The following FARS2 variants were observed in gnomAD, a reference collection of about 807,000 sequenced individuals.
FARS2 encodes the protein phenylalanyl-tRNA synthetase 2, mitochondrial.
A neutral mutation model predicts 46.4 loss-of-function variants in FARS2; 40 were observed. The observed-to-expected ratio is 0.86, with a 90% CI of 0.67 to 1.12. The LOEUF is 1.12. Ranked by LOEUF, FARS2 falls within the 50% of genes most tolerant of loss-of-function variation. FARS2 has a pLI of 0.00. For missense variants in FARS2, 513 were observed against 567.9 expected, an observed-to-expected ratio of 0.90 and a Z score of 0.98; for synonymous variants, 234 against 214.9, an observed-to-expected ratio of 1.09 and a Z score of -0.78.
intron 6 of FARS2, among the ~76,000 whole-genome samples, chr6:5,676,490 C>A (rs551464259): frequency 2.6e-4 from 40 of 152,246 alleles, no homozygotes; most frequent in African/African-American, 8.2e-4. Context: ...CTTTAATTCT[C>A]AATAACATTC....
chr6:5,384,570 T>A (rs187791592), intron 2 of FARS2, among the ~76,000 whole-genome samples: 34 of 152,316 alleles, frequency 2.2e-4, no homozygotes, highest in Admixed American at 2.1e-3. Context: ...GAGTAGCCTC[T>A]GTGATGTGTT....
At chr6:5,679,624 G>A (rs1318980184) in intron 6 of FARS2, among the ~76,000 whole-genome samples, 1 of 152,132 alleles carries the variant, frequency 6.6e-6, no homozygotes, top group Non-Finnish European at 1.5e-5. Flanking sequence ...ATAATGGAGA[G>A]GAAACTATTA....
At chr6:5,292,169 C>G (rs1380674828) in intron 1 of FARS2, among the ~76,000 whole-genome samples, 2 of 152,074 alleles carry the variant, frequency 1.3e-5, no homozygotes, top group Non-Finnish European at 2.9e-5. Context: ...GTCTGTATGG[C>G]TGATGTTTCC....
intron 1 of FARS2, among the ~76,000 whole-genome samples, chr6:5,284,723 C>T (rs1436097652): frequency 6.6e-6 from 1 of 152,172 alleles, no homozygotes; most frequent in Non-Finnish European, 1.5e-5. Flanking sequence ...GACTAGTGTT[C>T]TCATTTCACC....
At chr6:5,686,239 A>G (rs1757195583) in intron 6 of FARS2, among the ~76,000 whole-genome samples, 1 of 152,092 alleles carries the variant, frequency 6.6e-6, no homozygotes, top group South Asian at 2.1e-4. Flanking sequence ...TTTAGGGTAC[A>G]TGTGCACAAC....
At position 5,593,295 on chromosome 6, in the gene FARS2, C is replaced by T. The variant is rs548653319; in HGVS notation, c.1066-19874C>T. Among the ~76,000 whole-genome samples, 59 of 137,524 alleles carry T rather than the reference C, an allele frequency of 4.3e-4. 1 individual carries two copies. Among genetic ancestry groups the T allele is most frequent in the Admixed American group, 3.1e-3 (47 of 14,956 alleles). The allele number at this position is 137,524 out of a possible 152,430, so 90.2% of individuals were successfully genotyped here. ...TCCTCCATGAAGGAACTGCACCTCC[C>T]GCCCCCACCGGCCTCTGCTGGTGCC... On this transcript the variant is annotated intron_variant, in intron 5 of 6. Transcript: ENST00000274680.
chr6:5,391,545 A>G (rs915962652), intron 2 of FARS2, among the ~76,000 whole-genome samples: 1 of 151,448 alleles, frequency 6.6e-6, no homozygotes, highest in Non-Finnish European at 1.5e-5. Flanking sequence ...GGCAGATTGT[A>G]TAGATGAAAC....
intron 6 of FARS2, among the ~76,000 whole-genome samples, chr6:5,739,284 T>C (rs1179317969): frequency 6.7e-6 from 1 of 149,548 alleles, no homozygotes; most frequent in Non-Finnish European, 1.5e-5. Flanking sequence ...TTGCTTGAGA[T>C]CAGGAGTTCA....
chr6:5,719,234 T>C (rs757565276), intron 6 of FARS2, among the ~76,000 whole-genome samples: 2 of 151,548 alleles, frequency 1.3e-5, no homozygotes, highest in Admixed American at 6.6e-5. Flanking sequence ...AATTTAAAAA[T>C]TAGCTGGGTC....
chr6:5,418,490 T>C (rs1188315343), intron 3 of FARS2, among the ~76,000 whole-genome samples: 5 of 152,208 alleles, frequency 3.3e-5, no homozygotes, highest in Admixed American at 2.6e-4. Flanking sequence ...CCGTGAATTA[T>C]GAGGTTTTCC....
At chr6:5,724,410 A>G (rs1469454584) in intron 6 of FARS2, among the ~76,000 whole-genome samples, 1 of 152,250 alleles carries the variant, frequency 6.6e-6, no homozygotes, top group Non-Finnish European at 1.5e-5. Context: ...CCATGACCAT[A>G]GTAGTGCCAC....
At chr6:5,402,456 T>C (rs1761316677) in intron 2 of FARS2, among the ~76,000 whole-genome samples, 1 of 152,046 alleles carries the variant, frequency 6.6e-6, no homozygotes, top group Admixed American at 6.6e-5. Flanking sequence ...ACTTTCTGAT[T>C]TTTGAGTAAT....
At chr6:5,550,595 T>A (rs2150513899) in intron 5 of FARS2, among the ~76,000 whole-genome samples, 1 of 152,354 alleles carries the variant, frequency 6.6e-6, no homozygotes, top group Admixed American at 6.5e-5. Context: ...GTGGCATGTA[T>A]ATGCAGGTGA....
intron 5 of FARS2, chr6:5,609,455 A>G (rs1474067187): frequency 1.9e-5 from 23 of 1,221,516 alleles, no homozygotes; most frequent in South Asian, 9.6e-5. Context: ...TACCAAATCC[A>G]TTATAGCCAT....
intron 4 of FARS2, among the ~76,000 whole-genome samples, chr6:5,474,710 G>A (rs1766019987): frequency 1.3e-5 from 2 of 148,786 alleles, no homozygotes; most frequent in Non-Finnish European, 3.0e-5. Flanking sequence ...GCCCCGGCTG[G>A]AGTGCAGTGG....
At position 5,531,327 on chromosome 6, in the gene FARS2, G is replaced by T. The variant is rs141620473; in HGVS notation, c.905-13853G>T. Among the ~76,000 whole-genome samples the T allele has an allele frequency of 1.2e-4, 18 of 152,346 alleles. No individual in the cohort carries two copies. In the East Asian group the frequency reaches 3.5e-3, roughly 29 times the overall value. On this transcript the variant is annotated intron_variant, in intron 4 of 6. Transcript: ENST00000274680. The stretch of plus-strand genomic sequence containing the variant: ...CTTTCTACACATTCCATGTAAGGAG[G>T]ATTCTCACTGCGCAGGACCGTTGGG...
intron 5 of FARS2, among the ~76,000 whole-genome samples, chr6:5,605,325 G>A (rs2064106): frequency 0.27 from 41,368 of 152,034 alleles, 6,440 homozygotes; most frequent in African/African-American, 0.43. Flanking sequence ...GCTTGAAAGC[G>A]GGCAGGGTAG....
chr6:5,539,262 A>G lies in FARS2; in HGVS notation c.905-5918A>G, dbSNP rs1249478394. On this transcript the variant is annotated intron_variant, in intron 4 of 6. Transcript: ENST00000274680. ...CGCTCTGTGGCCCAGACTGGAGTGC[A>G]GTGGCACGATCTCGGCTCACTGCAA... 8.6e-5 allele frequency among the ~76,000 whole-genome samples: 13 copies of G among 150,508 alleles called. No individual in the cohort carries two copies. In the East Asian group the frequency reaches 2.6e-3, roughly 30 times the overall value.
chr6:5,320,354 A>G (rs1239124490), intron 1 of FARS2, among the ~76,000 whole-genome samples: 4 of 152,228 alleles, frequency 2.6e-5, no homozygotes, highest in Non-Finnish European at 4.4e-5. Context: ...TGGGAGGCCA[A>G]AAACAGAGTA....
Sources: gnomAD v4.1 joint callset for allele counts (sites outside exome capture counted in the v4.1 genomes callset) on GRCh38, gnomAD v4.1.1 for gene constraint, MANE v1.5 for transcripts, NCBI Gene and HGNC (gene_info 2026-07-23, HGNC 2026-07-21) for gene names.